GRIA4: variants seen among roughly 807,000 people sequenced by gnomAD.
The protein encoded by GRIA4 is glutamate ionotropic receptor AMPA type subunit 4.
A neutral mutation model predicts 104.0 loss-of-function variants in GRIA4; 34 were observed. The ratio of observed to expected loss-of-function variants is 0.33; its 90% CI spans 0.25 to 0.44. The LOEUF (loss-of-function observed/expected upper bound fraction) is 0.44, where lower values mean the gene tolerates loss of function less well. Among genes scored for constraint, GRIA4 ranks in the 20% least tolerant of loss-of-function variants. GRIA4 has a pLI of 1.00. For missense variants in GRIA4, 750 were observed against 1,096.5 expected (o/e 0.68, Z 4.46); for synonymous variants, 386 against 381.9 (o/e 1.01, Z -0.13).
intron 3 of GRIA4, among the ~76,000 whole-genome samples, chr11:105,721,577 G>T (rs947002119): frequency 3.3e-5 from 5 of 152,166 alleles, no homozygotes; most frequent in African/African-American, 1.2e-4. Flanking sequence ...ATAGTGCAAA[G>T]CACTGTACAA....
chr11:105,884,304 A>G (rs907320159), intron 5 of GRIA4, among the ~76,000 whole-genome samples: 6 of 152,236 alleles, frequency 3.9e-5, no homozygotes, highest in Non-Finnish European at 8.8e-5. Flanking sequence ...AGGAGATACA[A>G]GGTTTGGTCT....
Position 105,862,219 on chromosome 11 carries a change from G to T in GRIA4, c.672+11G>T. ...AACATATTAGAACAGGTAAGTCCTA[G>T]ATTTTATATTTTTAACCTAGACCCT... On this transcript the variant is annotated intron_variant, in intron 5 of 16. Coordinates refer to ENST00000282499, the MANE Select transcript of GRIA4 (RefSeq NM_000829.4). The T allele has an allele frequency of 6.7e-7, 1 of 1,500,690 alleles. No individual in the cohort carries two copies. 93.0% of individuals were successfully genotyped at this position (1,500,690 alleles called of 1,614,324 possible).
chr11:105,880,688 A>T (rs887062848), intron 5 of GRIA4, among the ~76,000 whole-genome samples: 3 of 152,156 alleles, frequency 2.0e-5, no homozygotes, highest in Admixed American at 6.5e-5. Flanking sequence ...GAAGGTGAAA[A>T]TTTTGTTAGA....
At chr11:105,831,649 T>C (rs1943981395) in intron 4 of GRIA4, among the ~76,000 whole-genome samples, 3 of 152,006 alleles carry the variant, frequency 2.0e-5, no homozygotes, top group Admixed American at 1.3e-4. Context: ...TTATAAAGTG[T>C]CGTGGGTATT....
At position 105,764,590 on chromosome 11, in the gene GRIA4, C is replaced by A. The variant is rs370574592; in HGVS notation, c.487+11370C>A. On this transcript the variant is annotated intron_variant, in intron 4 of 16. Transcript: ENST00000282499. ...AAAGTAAATTTATATCAGAAAGAGA[C>A]CCCCCTACTCCCACCCTGGAAATCT... Among the ~76,000 whole-genome samples, 211 of 152,036 alleles carry A rather than the reference C, an allele frequency of 1.4e-3. 1 individual carries two copies. The highest frequency in any genetic ancestry group is 4.6e-3 in the African/African-American group (192 of 41,478).
rs1045734661 is a variant in GRIA4, at chr11:105,976,411, G to T, written c.2544+1967G>T. Among the ~76,000 whole-genome samples the T allele has an allele frequency of 4.0e-5, 6 of 151,842 alleles. 1 individual carries two copies. The highest frequency in any genetic ancestry group is 7.4e-5 in the Non-Finnish European group (5 of 67,848). ...CAATTTACATATAACATTGTTTTTG[G>T]AGTCACAACTTGAAATTGAATTTCC... is the stretch of plus-strand genomic sequence containing the variant. On this transcript the variant is annotated intron_variant, in intron 16 of 16. Transcript: ENST00000282499.
intron 3 of GRIA4, among the ~76,000 whole-genome samples, chr11:105,654,834 C>G (rs1244275322): frequency 6.6e-6 from 1 of 152,140 alleles, no homozygotes; most frequent in East Asian, 1.9e-4. Flanking sequence ...CTAAATACAA[C>G]TTCAGATGAG....
chr11:105,881,019 T>C (rs968435223), intron 5 of GRIA4, among the ~76,000 whole-genome samples: 4 of 152,150 alleles, frequency 2.6e-5, no homozygotes, highest in African/African-American at 4.8e-5. Flanking sequence ...CACAGTTTGT[T>C]TGGGAAGTAA....
At chr11:105,866,551 G>GTGTATATATATATA (rs1299256765) in intron 5 of GRIA4, among the ~76,000 whole-genome samples, 216 of 76,622 alleles carry the variant, frequency 2.8e-3, no homozygotes, top group African/African-American at 4.4e-3. Flanking sequence ...GTGTGTGTGT[G>GTGTATATATATATA]TATATATATA....
chr11:105,788,348 A>G (rs1273134454), intron 4 of GRIA4, among the ~76,000 whole-genome samples: 1 of 152,170 alleles, frequency 6.6e-6, no homozygotes, highest in African/African-American at 2.4e-5. Flanking sequence ...AGATTTCTCA[A>G]ACAACTAAAA....
intron 14 of GRIA4, among the ~76,000 whole-genome samples, chr11:105,958,570 T>C: frequency 6.6e-6 from 1 of 152,188 alleles, no homozygotes; most frequent in East Asian, 1.9e-4. Flanking sequence ...TGGTCTAAAA[T>C]TCTCTTTTTT....
At chr11:105,818,990 C>A (rs1031401368) in intron 4 of GRIA4, among the ~76,000 whole-genome samples, 5 of 152,212 alleles carry the variant, frequency 3.3e-5, no homozygotes, top group African/African-American at 1.2e-4. Context: ...ACAAGGAAAT[C>A]AGGACAATGG....
intron 14 of GRIA4, among the ~76,000 whole-genome samples, chr11:105,949,513 A>G (rs1457831568): frequency 6.6e-6 from 1 of 152,196 alleles, no homozygotes; most frequent in Non-Finnish European, 1.5e-5. Flanking sequence ...AAAGATTTAC[A>G]TAGATCGTGT....
chr11:105,791,390 A>G (rs536812031), intron 4 of GRIA4, among the ~76,000 whole-genome samples: 6 of 152,192 alleles, frequency 3.9e-5, no homozygotes, highest in African/African-American at 1.2e-4. Flanking sequence ...ATGATTGTGC[A>G]TTTAATGCAT....
At chr11:105,851,223 T>A (rs1944796282) in intron 4 of GRIA4, among the ~76,000 whole-genome samples, 1 of 152,154 alleles carries the variant, frequency 6.6e-6, no homozygotes. Context: ...TTTTTACCCT[T>A]GTCATTTAAT....
rs564587241 is a variant in GRIA4 at position 105,729,585 on chromosome 11, T to A, written c.248-23396T>A. Among the ~76,000 whole-genome samples, 6 of 152,306 alleles carry A rather than the reference T, an allele frequency of 3.9e-5. No individual in the cohort carries two copies. In the South Asian group the frequency reaches 1.2e-3, roughly 32 times the overall value. On this transcript the variant is annotated intron_variant, in intron 3 of 16. Coordinates refer to ENST00000282499, the MANE Select transcript of GRIA4 (RefSeq NM_000829.4). ...GAAAATTTCAGGCCAATATACCTGA[T>A]GAACATCAATGCAAAAATCCTCAAT... is the stretch of plus-strand genomic sequence containing the variant.
chr11:105,915,061 CT>C (rs373244001), intron 10 of GRIA4, among the ~76,000 whole-genome samples: 23 of 152,260 alleles, frequency 1.5e-4, no homozygotes, highest in African/African-American at 5.5e-4. Context: ...ATTTGCTACT[CT>C]TTTGGACTTG....
chr11:105,664,325 A>C (rs1470136873), intron 3 of GRIA4, among the ~76,000 whole-genome samples: 1 of 150,688 alleles, frequency 6.6e-6, no homozygotes, highest in African/African-American at 2.4e-5. Context: ...CGAGTTTGAG[A>C]ACAGAAAGAA....
chr11:105,621,768 A>G (rs1950752289), intron 3 of GRIA4, among the ~76,000 whole-genome samples: 1 of 151,840 alleles, frequency 6.6e-6, no homozygotes, highest in Non-Finnish European at 1.5e-5. Context: ...TATGCTTTTA[A>G]TGAATATTAT....
Sources: gnomAD v4.1 joint callset for allele counts (sites outside exome capture counted in the v4.1 genomes callset) on GRCh38, gnomAD v4.1.1 for gene constraint, MANE v1.5 for transcripts, NCBI Gene and HGNC (gene_info 2026-07-23, HGNC 2026-07-21) for gene names.